AGBL3: variants seen among roughly 807,000 people sequenced by gnomAD.
The protein encoded by AGBL3 is cytosolic carboxypeptidase 3.
A neutral mutation model predicts 94.5 loss-of-function variants in AGBL3; 68 were observed. The observed-to-expected ratio is 0.72, with a 90% CI of 0.59 to 0.88. The LOEUF (loss-of-function observed/expected upper bound fraction) is 0.88, where lower values mean the gene tolerates loss of function less well. Ranked by LOEUF, AGBL3 falls within the 40% of genes least tolerant of loss-of-function variation. The pLI is 0.00. For missense variants in AGBL3, 934 were observed against 1,103.8 expected (o/e 0.85, Z 2.18); for synonymous variants, 354 against 370.7 (o/e 0.95, Z 0.52).
At chr7:135,126,255 A>C (rs1827849122) in intron 16 of AGBL3, among the ~76,000 whole-genome samples, 1 of 152,238 alleles carries the variant, frequency 6.6e-6, no homozygotes, top group South Asian at 2.1e-4. Flanking sequence ...AACATAGATA[A>C]GCAGAGAGCC....
At chr7:135,015,904 G>C (rs904964735) in intron 4 of AGBL3, among the ~76,000 whole-genome samples, 1 of 150,470 alleles carries the variant, frequency 6.6e-6, no homozygotes, top group Non-Finnish European at 1.5e-5. Flanking sequence ...GGTGGCAGGC[G>C]TCTGTAGTCC....
At chr7:135,013,133 C>G (rs979798613) in intron 4 of AGBL3, among the ~76,000 whole-genome samples, 3 of 152,022 alleles carry the variant, frequency 2.0e-5, no homozygotes, top group African/African-American at 4.8e-5. Flanking sequence ...AGACATTTCT[C>G]AAAGAATTAT....
chr7:135,032,358 G>A (rs1467551217), intron 5 of AGBL3, among the ~76,000 whole-genome samples: 1 of 151,962 alleles, frequency 6.6e-6, no homozygotes, highest in African/African-American at 2.4e-5. Flanking sequence ...AGGGTAAAGT[G>A]TAGTGACGCG....
At chr7:135,049,154 T>C (rs1343160313) in intron 11 of AGBL3, among the ~76,000 whole-genome samples, 1 of 151,986 alleles carries the variant, frequency 6.6e-6, no homozygotes, top group Non-Finnish European at 1.5e-5. Flanking sequence ...TTGAATTTTG[T>C]CAGGTGCTTT....
chr7:135,059,066 A>T, intron 11 of AGBL3, 103 bp from the exon 12 acceptor site: 1 of 941,880 alleles, frequency 1.1e-6, no homozygotes, highest in Non-Finnish European at 1.6e-6. Flanking sequence ...CACTTCTTAT[A>T]ATTAGAACTT....
chr7:135,064,984 T>C (rs1819156407), intron 12 of AGBL3, among the ~76,000 whole-genome samples: 1 of 152,178 alleles, frequency 6.6e-6, no homozygotes, highest in South Asian at 2.1e-4. Context: ...CTGCCTTTTC[T>C]TGGTTGGTTC....
intron 12 of AGBL3, among the ~76,000 whole-genome samples, chr7:135,072,753 G>A (rs578102605): frequency 2.9e-4 from 43 of 147,224 alleles, no homozygotes; most frequent in African/African-American, 9.6e-4. Flanking sequence ...ATCACACACC[G>A]GGGCTTGTTG....
intron 4 of AGBL3, among the ~76,000 whole-genome samples, chr7:135,014,990 G>GTT (rs1813596849): frequency 6.6e-6 from 1 of 152,194 alleles, no homozygotes; most frequent in South Asian, 2.1e-4. Flanking sequence ...CTTTCAAATA[G>GTT]TTTTTTGAAC....
chr7:134,989,787 G>A (rs1285848540), intron 3 of AGBL3, among the ~76,000 whole-genome samples: 1 of 151,448 alleles, frequency 6.6e-6, no homozygotes, highest in Non-Finnish European at 1.5e-5. Flanking sequence ...ATTTACATAT[G>A]TGTCACAAAT....
intron 3 of AGBL3, among the ~76,000 whole-genome samples, chr7:134,990,925 G>A (rs1354706290): frequency 6.6e-6 from 1 of 151,686 alleles, no homozygotes; most frequent in African/African-American, 2.4e-5. Flanking sequence ...TGTAGATTCT[G>A]GGTCAGTGTA....
intron 2 of AGBL3, 44 bp from the exon 3 acceptor site, chr7:134,989,206 C>T: frequency 3.5e-6 from 5 of 1,420,844 alleles, no homozygotes; most frequent in Non-Finnish European, 4.8e-6. Context: ...GATTTGAAAA[C>T]TGTTGGTTTT....
At chr7:135,127,874 A>T (rs1165817147) in intron 16 of AGBL3, among the ~76,000 whole-genome samples, 3 of 152,200 alleles carry the variant, frequency 2.0e-5, no homozygotes, top group Non-Finnish European at 4.4e-5. Flanking sequence ...ACACATGCAC[A>T]CATATGTTTA....
At chr7:135,069,796 A>G (rs1819706579) in intron 12 of AGBL3, among the ~76,000 whole-genome samples, 1 of 152,194 alleles carries the variant, frequency 6.6e-6, no homozygotes, top group South Asian at 2.1e-4. Context: ...TGACACCCTA[A>G]CATCACAATT....
At chr7:135,022,134 G>A (rs905660746) in intron 5 of AGBL3, among the ~76,000 whole-genome samples, 1 of 152,126 alleles carries the variant, frequency 6.6e-6, no homozygotes, top group Non-Finnish European at 1.5e-5. Context: ...ACATACATGT[G>A]CACGTATCTT....
intron 11 of AGBL3, among the ~76,000 whole-genome samples, chr7:135,046,908 G>A (rs756455359): frequency 2.6e-5 from 4 of 152,006 alleles, no homozygotes; most frequent in Admixed American, 6.6e-5. Context: ...CATTGGAGTC[G>A]ATTGTTACTT....
At chr7:135,016,456 A>G (rs1435038385) in intron 4 of AGBL3, among the ~76,000 whole-genome samples, 1 of 152,136 alleles carries the variant, frequency 6.6e-6, no homozygotes, top group Non-Finnish European at 1.5e-5. Context: ...AATACAAATA[A>G]CTAGGGTAGT....
chr7:135,032,924 A>G lies in AGBL3; in HGVS notation c.499A>G (p.Asn167Asp). ...PLKQPVDYRD[N>D]TLMFEARFES... Reference sequence around the variant, plus strand: ...GAAGCAGCCTGTGGATTACCGTGACAATACTTTGATGTTTGAAGCAAGGTT... The same window carrying G: ...GAAGCAGCCTGTGGATTACCGTGACGATACTTTGATGTTTGAAGCAAGGTT... Residue 167 changes from asparagine (N) to aspartate (D), a missense_variant, in exon 6 of 17, where the codon AAT becomes GAT. Asn to Asp is a conservative substitution (Grantham distance 23). This residue lies in a region of AGBL3 where 488 missense variants were observed against 563.6 expected (regional missense o/e 0.87). Coordinates refer to ENST00000436302, the MANE Select transcript of AGBL3 (RefSeq NM_178563.4). The G allele has an allele frequency of 6.4e-7, 1 of 1,551,704 alleles. No individual in the cohort carries two copies. Among genetic ancestry groups the G allele is most frequent in the South Asian group, 1.2e-5 (1 of 84,006 alleles).
At chr7:135,096,564 GATAGATAGATAGATAGATAC>G (rs60550321) in intron 15 of AGBL3, among the ~76,000 whole-genome samples, 15,090 of 56,298 alleles carry the variant, frequency 0.27, 1,073 homozygotes, top group Middle Eastern at 0.44. Context: ...AAGAAAGATA[GATAGATAGATAGATAGATAC>G]ATAGATAGAT....
intron 4 of AGBL3, among the ~76,000 whole-genome samples, chr7:135,006,541 T>C (rs557360997): frequency 6.6e-6 from 1 of 152,070 alleles, no homozygotes; most frequent in African/African-American, 2.4e-5. Context: ...GAACAACTAC[T>C]TGAATCTGCA....
Sources: gnomAD v4.1 joint callset for allele counts (sites outside exome capture counted in the v4.1 genomes callset) on GRCh38, gnomAD v4.1.1 for gene constraint, gnomAD v4.1.1 regional missense constraint, MANE v1.5 for transcripts, NCBI Gene and HGNC (gene_info 2026-07-23, HGNC 2026-07-21) for gene names.